Variants in SLC5A7 observed in about 807,000 individuals in gnomAD.
The protein encoded by SLC5A7 is high affinity choline transporter 1.
SLC5A7 carries 19 observed loss-of-function variants against 55.4 expected under a neutral mutation model. The ratio of observed to expected loss-of-function variants is 0.34; its 90% confidence interval spans 0.24 to 0.50. The LOEUF is 0.50. SLC5A7 is among the 20% of genes least tolerant of loss of function. SLC5A7 has a pLI of 0.98. For missense variants in SLC5A7, 506 were observed against 705.3 expected, an observed-to-expected ratio of 0.72 and a Z score of 3.20; for synonymous variants, 265 against 263.7, an observed-to-expected ratio of 1.00 and a Z score of -0.05.
intron 5 of SLC5A7, among the ~76,000 whole-genome samples, chr2:107,999,303 A>G (rs1677795751): frequency 1.3e-5 from 2 of 152,212 alleles, no homozygotes; most frequent in Admixed American, 1.3e-4. Context: ...ATCCCTCTTC[A>G]GAATGTCAGG....
Position 108,013,892 on chromosome 2 carries a change from T to C in SLC5A7, c.*3031T>C, listed in dbSNP as rs1678432763. The C allele has an allele frequency of 6.6e-6, 1 of 152,140 alleles. No homozygotes were observed. The highest frequency in any genetic ancestry group is 6.6e-5 in the Admixed American group (1 of 15,254). 9.4% of individuals were successfully genotyped at this position (152,140 alleles called of 1,614,324 possible). On this transcript the variant is annotated 3_prime_UTR_variant, in exon 9 of 9. Transcript: ENST00000264047. The stretch of plus-strand genomic sequence containing the variant: ...ACACTTACAAGTAATGAATTTTATG[T>C]GACTATGAAACGAATATAAGCTTAA...
Position 108,008,610 on chromosome 2 carries a change from A to G in SLC5A7, c.1041A>G (p.Ser347=). Residue 347 remains serine, a synonymous_variant, in exon 8 of 9, where the codon TCA becomes TCG. Transcript: ENST00000264047. The part of the protein sequence containing the change: ...LGAVSAAVMS[S]ADSSILSASS... ...CAGTTTCTGCTGCTGTTATGTCATC[A>G]GCAGATTCTTCCATCTTGTCAGCAA... 6.2e-7 allele frequency: 1 copy of G among 1,613,642 alleles called. No individual in the cohort carries two copies. The highest frequency in any genetic ancestry group is 1.3e-5 in the African/African-American group (1 of 74,932).
intron 5 of SLC5A7, 42 bp downstream of exon 5, chr2:107,998,028 A>G: frequency 6.3e-7 from 1 of 1,582,920 alleles, no homozygotes; most frequent in Admixed American, 1.8e-5. Flanking sequence ...TTTTTCTGTA[A>G]AAGGTAATGT....
chr2:108,013,724 A>G lies in SLC5A7; in HGVS notation c.*2863A>G, dbSNP rs1678427771. 6.6e-6 allele frequency: 1 copy of G among 152,170 alleles called. No homozygotes were observed. Among genetic ancestry groups the G allele is most frequent in the Non-Finnish European group, 1.5e-5 (1 of 68,016 alleles). The allele number at this position is 152,170 out of a possible 1,614,324, so 9.4% of individuals were successfully genotyped here. A position where few individuals can be genotyped will look rare whatever the true frequency, so the allele number is the denominator to read the frequency against. On this transcript the variant is annotated 3_prime_UTR_variant, in exon 9 of 9. Transcript: ENST00000264047. ...AAGAAAACATATATTTTATTTTCAT[A>G]CTTTTGATATGATTGTAACATATTT...
At chr2:108,007,251 A>G (rs1214928156) in intron 7 of SLC5A7, among the ~76,000 whole-genome samples, 1 of 152,106 alleles carries the variant, frequency 6.6e-6, no homozygotes, top group Non-Finnish European at 1.5e-5. Context: ...TGATGTTCCT[A>G]CAGCAACTTT....
At position 108,010,298 on chromosome 2, in the gene SLC5A7, G is replaced by A; in HGVS notation, c.1180G>A (p.Ala394Thr). 6.2e-7 allele frequency: 1 copy of A among 1,613,988 alleles called. No individual in the cohort carries two copies. Among genetic ancestry groups the A allele is most frequent in the Non-Finnish European group, 8.5e-7 (1 of 1,179,936 alleles). Residue 394 changes from alanine to threonine, a missense_variant, in exon 9 of 9, where the codon GCC becomes ACC. Around this residue, in one of 4 missense-constraint regions of SLC5A7, gnomAD observed 309 missense variants for 478.6 expected, o/e 0.65. Coordinates refer to ENST00000264047, the MANE Select transcript of SLC5A7 (RefSeq NM_021815.5). Reference sequence around the variant, plus strand: ...GTTTGTGTTTGGAGCATCTGCAACAGCCATGGCCTTGCTGACGAAAACTGT... The same window carrying A: ...GTTTGTGTTTGGAGCATCTGCAACAACCATGGCCTTGCTGACGAAAACTGT... ...TVFVFGASATAMALLTKTVYG... is the reference protein window; with the variant it reads ...TVFVFGASATTMALLTKTVYG...
At chr2:107,989,242 C>A (rs961136503) in intron 2 of SLC5A7, among the ~76,000 whole-genome samples, 3 of 152,146 alleles carry the variant, frequency 2.0e-5, no homozygotes, top group African/African-American at 7.2e-5. Context: ...TGCAACATAG[C>A]AAGAACTGTG....
At chr2:107,998,096 C>T (rs1677745040) in intron 5 of SLC5A7, 110 bp downstream of exon 5, 1 of 1,029,550 alleles carries the variant, frequency 9.7e-7, no homozygotes, top group Admixed American at 3.3e-5. Flanking sequence ...ATGAGTAATA[C>T]ATACTAAGTC....
rs1678398882 is a variant in SLC5A7, at chr2:108,013,045, G to T, written c.*2184G>T. 2 of 152,034 alleles carry T rather than the reference G, an allele frequency of 1.3e-5. No individual in the cohort carries two copies. The highest frequency in any genetic ancestry group is 1.5e-5 in the Non-Finnish European group (1 of 68,000). The allele number at this position is 152,034 out of a possible 1,614,324, so 9.4% of individuals were successfully genotyped here. On this transcript the variant is annotated 3_prime_UTR_variant, in exon 9 of 9. Transcript: ENST00000264047. Reference sequence around the variant, plus strand: ...ACTCATACTGTCATATAATGCAACAGGGAGGCATAGTCTCTCTACAGGTCT... The same window carrying T: ...ACTCATACTGTCATATAATGCAACATGGAGGCATAGTCTCTCTACAGGTCT...
rs1678391717 is a variant in SLC5A7 at position 108,012,896 on chromosome 2, T to G, written c.*2035T>G. The G allele has an allele frequency of 6.6e-6, 1 of 152,128 alleles. No homozygotes were observed. The highest frequency in any genetic ancestry group is 2.4e-5 in the African/African-American group (1 of 41,434). 9.4% of individuals were successfully genotyped at this position (152,128 alleles called of 1,614,324 possible). On this transcript the variant is annotated 3_prime_UTR_variant, in exon 9 of 9. Coordinates refer to ENST00000264047, the MANE Select transcript of SLC5A7 (RefSeq NM_021815.5). Reference sequence around the variant, plus strand: ...TACAATTCCTGGCAAACACCATTATTCCAGATGCACCATGCTACCCAGCAT... The same window carrying G: ...TACAATTCCTGGCAAACACCATTATGCCAGATGCACCATGCTACCCAGCAT...
Position 108,010,679 on chromosome 2 carries a change from C to T in SLC5A7, c.1561C>T (p.His521Tyr), listed in dbSNP as rs1444646507. The change falls in exon 9 of 9, where the codon CAC (histidine) becomes TAC (tyrosine). Residue 521 changes from histidine to tyrosine, a missense_variant. Transcript: ENST00000264047. Reference protein sequence around the residue: ...LDVFDAVVARHSEENMDKTIL... With the variant: ...LDVFDAVVARYSEENMDKTIL... Reference sequence around the variant, plus strand: ...TGTATTTGATGCTGTTGTTGCAAGACACAGTGAAGAAAACATGGATAAGAC... The same window carrying T: ...TGTATTTGATGCTGTTGTTGCAAGATACAGTGAAGAAAACATGGATAAGAC... 1 of 1,613,856 alleles carries T rather than the reference C, an allele frequency of 6.2e-7. No individual in the cohort carries two copies. The highest frequency in any genetic ancestry group is 1.7e-5 in the Admixed American group (1 of 59,920).
At chr2:108,008,750 T>A in intron 8 of SLC5A7, 68 bp downstream of exon 8, 1 of 1,167,766 alleles carries the variant, frequency 8.6e-7, no homozygotes, top group Non-Finnish European at 1.2e-6. Flanking sequence ...GTTGTATTTG[T>A]TGTATATACA....
At chr2:108,000,081 C>T (rs114954173) in intron 5 of SLC5A7, among the ~76,000 whole-genome samples, 2,201 of 152,250 alleles carry the variant, frequency 0.014, 46 homozygotes, top group African/African-American at 0.05. Context: ...CTCCACACAT[C>T]CATCTTTATC....
At chr2:107,994,197 C>T (rs1379240006) in intron 4 of SLC5A7, among the ~76,000 whole-genome samples, 4 of 152,120 alleles carry the variant, frequency 2.6e-5, no homozygotes, top group African/African-American at 4.8e-5. Context: ...AATTTCATCC[C>T]GCAGGTTAGT....
At chr2:107,987,045 G>T (rs1677272516) in intron 1 of SLC5A7, among the ~76,000 whole-genome samples, 1 of 151,940 alleles carries the variant, frequency 6.6e-6, no homozygotes, top group African/African-American at 2.4e-5. Flanking sequence ...GCTCACAAAG[G>T]CAGAGAAGAC....
rs773985974 is a variant in SLC5A7, at chr2:108,013,612, T to G, written c.*2751T>G. On this transcript the variant is annotated 3_prime_UTR_variant, in exon 9 of 9. Coordinates refer to ENST00000264047, the MANE Select transcript of SLC5A7 (RefSeq NM_021815.5). ...ATCAGTAGACCTGATTTTCAAAATC[T>G]GCCCTCAGATGAAAATAAAATAAAC... 3.9e-5 allele frequency: 6 copies of G among 152,172 alleles called. No individual in the cohort carries two copies. Among genetic ancestry groups the G allele is most frequent in the Non-Finnish European group, 8.8e-5 (6 of 68,024 alleles). The allele number at this position is 152,172 out of a possible 1,614,324, so 9.4% of individuals were successfully genotyped here. A position where few individuals can be genotyped will look rare whatever the true frequency, so the allele number is the denominator to read the frequency against.
intron 6 of SLC5A7, among the ~76,000 whole-genome samples, chr2:108,004,001 T>C (rs1678013904): frequency 6.6e-6 from 1 of 152,152 alleles, no homozygotes; most frequent in Non-Finnish European, 1.5e-5. Context: ...TGACCTCTTC[T>C]TAAAAGGGCC....
At chr2:107,989,641 A>C (rs1335040929) in intron 2 of SLC5A7, among the ~76,000 whole-genome samples, 1 of 152,196 alleles carries the variant, frequency 6.6e-6, no homozygotes, top group African/African-American at 2.4e-5. Context: ...CCAAAATGCA[A>C]GTACTGCGTC....
At chr2:108,006,319 A>G in intron 7 of SLC5A7, 117 bp downstream of exon 7, 1 of 1,117,178 alleles carries the variant, frequency 9.0e-7, no homozygotes, top group Non-Finnish European at 1.3e-6. Flanking sequence ...CACCACATTC[A>G]TATCTATAGA....
Sources: gnomAD v4.1 joint callset for allele counts (sites outside exome capture counted in the v4.1 genomes callset) on GRCh38, gnomAD v4.1.1 for gene constraint, gnomAD v4.1.1 regional missense constraint, MANE v1.5 for transcripts, NCBI Gene and HGNC (gene_info 2026-07-23, HGNC 2026-07-21) for gene names.